UCK1: variants seen among roughly 807,000 people sequenced by gnomAD.
UCK1 encodes uridine-cytidine kinase 1.
In UCK1, 20 loss-of-function variants were observed where a neutral mutation model predicts 34.0. The observed-to-expected ratio is 0.59, with a 90% CI of 0.41 to 0.86. The LOEUF (loss-of-function observed/expected upper bound fraction) is 0.86. Ranked by LOEUF, UCK1 falls within the 40% of genes least tolerant of loss-of-function variation. The pLI, the probability that UCK1 is intolerant of heterozygous loss-of-function variation, is 0.00. For missense variants in UCK1, 343 were observed against 383.6 expected, an observed-to-expected ratio of 0.89 and a Z score of 0.88; for synonymous variants, 168 against 155.9, an observed-to-expected ratio of 1.08 and a Z score of -0.58.
intron 5 of UCK1, among the ~76,000 whole-genome samples, chr9:131,526,692 C>G (rs117357715): frequency 2.6e-5 from 4 of 152,088 alleles, no homozygotes; most frequent in Non-Finnish European, 5.9e-5. Context: ...GAACTTGGAA[C>G]GGTGCGTGCT....
rs758504047 is a variant in UCK1 at position 131,525,223 on chromosome 9, T to G, written c.653-2A>C. On this transcript the variant is annotated splice_acceptor_variant, in intron 6 of 6. Transcript: ENST00000372215. LOFTEE classifies it high-confidence loss of function. ...GCTGCACGATCAGGTTGATGGCAAC[T>G]GCGCCAAGAGACAGACAAGCAGCGG... is the stretch of plus-strand genomic sequence containing the variant. The G allele has an allele frequency of 1.9e-6, 3 of 1,613,642 alleles. No homozygotes were observed. The highest frequency in any genetic ancestry group is 2.5e-6 in the Non-Finnish European group (3 of 1,180,012).
intron 1 of UCK1, 39 bp from the exon 2 acceptor site, chr9:131,530,684 C>A (rs7867616): frequency 8.1e-6 from 13 of 1,613,954 alleles, no homozygotes; most frequent in Middle Eastern, 1.6e-4. Context: ...TGGAACCGCT[C>A]GTCCTGTGAC....
At chr9:131,528,255 G>GT (rs1950685791) in intron 5 of UCK1, among the ~76,000 whole-genome samples, 1 of 151,952 alleles carries the variant, frequency 6.6e-6, no homozygotes. Context: ...CCTTTGTGCT[G>GT]TATTTTTACC....
intron 5 of UCK1, chr9:131,526,351 G>T: frequency 8.6e-7 from 1 of 1,158,574 alleles, no homozygotes; most frequent in African/African-American, 1.6e-5. Flanking sequence ...TGTTCCTCTG[G>T]AATCATGAAG....
At chr9:131,530,701 G>A (rs749649431) in intron 1 of UCK1, 56 bp from the exon 2 acceptor site, 3 of 1,613,878 alleles carry the variant, frequency 1.9e-6, no homozygotes, top group African/African-American at 2.7e-5. Flanking sequence ...TGACAGGCAC[G>A]GGGCCGGCTT....
At chr9:131,526,480 T>C in intron 5 of UCK1, 1 of 1,289,780 alleles carries the variant, frequency 7.8e-7, no homozygotes, top group Non-Finnish European at 1.0e-6. Context: ...CAATGCTGAC[T>C]CTCATTCCCT....
Position 131,529,083 on chromosome 9 carries a change from C to T in UCK1, c.508+45G>A, listed in dbSNP as rs765767061. On this transcript the variant is annotated intron_variant, in intron 4 of 6. Transcript: ENST00000372215. ...GCGTGCTTCAGACCTCAGGACCTGC[C>T]GCCAGCCTCGGCCAGGCAGGCACGG... 49 of 1,613,306 alleles carry T rather than the reference C, an allele frequency of 3.0e-5. No homozygotes were observed. The Middle Eastern group carries it at 1.8e-3, about 60-fold the overall frequency.
chr9:131,528,876 C>T, intron 5 of UCK1, 68 bp downstream of exon 5: 2 of 1,578,498 alleles, frequency 1.3e-6, no homozygotes, highest in Non-Finnish European at 8.6e-7. Context: ...TAAGCCCTCT[C>T]ACAGTACTGG....
chr9:131,529,070 C>T (rs767367585), intron 4 of UCK1, 32 bp from the exon 5 acceptor site: 2 of 1,613,550 alleles, frequency 1.2e-6, no homozygotes, highest in Non-Finnish European at 1.7e-6. Flanking sequence ...GTGCTTCAGA[C>T]CTCAGGACCT....
At position 131,531,243 on chromosome 9, in the gene UCK1, G is replaced by GGCC. The variant is rs1950836305; in HGVS notation, c.-70_-69insGGC. The GGCC allele has an allele frequency of 5.4e-6, 7 of 1,289,072 alleles. No homozygotes were observed. The African/African-American group carries it at 1.2e-4, about 22-fold the overall frequency. The allele number at this position is 1,289,072 out of a possible 1,614,324, so 79.9% of individuals were successfully genotyped here. A position where few individuals can be genotyped will look rare whatever the true frequency, so the allele number is the denominator to read the frequency against. ...TCCCCAGGCCCGGCGCGCCCGCCCA[G>GGCC]CGCCGAGGTCGGAGGCAACCGGAGC... On this transcript the variant is annotated 5_prime_UTR_variant, in exon 1 of 7. Transcript: ENST00000372215.
chr9:131,531,123 G>C lies in UCK1; in HGVS notation c.52C>G (p.Arg18Gly), dbSNP rs1349786723. The C allele has an allele frequency of 6.2e-6, 9 of 1,451,786 alleles. No homozygotes were observed. The highest frequency in any genetic ancestry group is 3.0e-5 in the African/African-American group (2 of 67,154). The allele number at this position is 1,451,786 out of a possible 1,614,324, so 89.9% of individuals were successfully genotyped here. Residue 18 changes from arginine (R) to glycine (G), a missense_variant, in exon 1 of 7, where the codon CGT (arginine) becomes GGT (glycine). Transcript: ENST00000372215. Reference sequence around the variant, plus strand: ...ATCAGGAAGGGCCGCTGGTGCGGACGGTCGGCCTCCGGCGCGGGGCTCTCG... The same window carrying C: ...ATCAGGAAGGGCCGCTGGTGCGGACCGTCGGCCTCCGGCGCGGGGCTCTCG... ...DCESPAPEADRPHQRPFLIGV... is the reference protein window; with the variant it reads ...DCESPAPEADGPHQRPFLIGV...
intron 5 of UCK1, chr9:131,526,519 A>C: frequency 7.8e-7 from 1 of 1,289,428 alleles, no homozygotes; most frequent in Non-Finnish European, 1.0e-6. Flanking sequence ...GAGGAAGGAC[A>C]AGGATGGAGA....
In UCK1 at chr9:131,531,158, C is replaced by T. The variant is rs1476456431; in HGVS notation, c.17G>A (p.Gly6Asp). The change falls in exon 1 of 7, where the codon GGC becomes GAC. Residue 6 changes from glycine (G) to aspartate (D), a missense_variant. Gly to Asp is a moderately conservative substitution (Grantham distance 94, BLOSUM62 -1). Transcript: ENST00000372215. MASAG[G>D]EDCESPAPEA... ...CGGCGCGGGGCTCTCGCAGTCTTCG[C>T]CTCCCGCCGAAGCCATCTCGGCCTC... 10 of 1,430,514 alleles carry T rather than the reference C, an allele frequency of 7.0e-6. No individual in the cohort carries two copies. The highest frequency in any genetic ancestry group is 3.0e-5 in the African/African-American group (2 of 67,150). The allele number at this position is 1,430,514 out of a possible 1,614,324, so 88.6% of individuals were successfully genotyped here.
intron 6 of UCK1, 140 bp downstream of exon 6, chr9:131,525,789 A>G (rs1041164100): frequency 1.1e-6 from 1 of 904,414 alleles, no homozygotes; most frequent in East Asian, 2.6e-5. Flanking sequence ...ATTTTTAAGC[A>G]TATTTTAACC....
At chr9:131,525,641 A>G (rs1312158245) in intron 6 of UCK1, among the ~76,000 whole-genome samples, 1 of 152,022 alleles carries the variant, frequency 6.6e-6, no homozygotes, top group African/African-American at 2.4e-5. Context: ...ACCATGCCCA[A>G]ATAATTTTAT....
Position 131,524,873 on chromosome 9 carries a change from G to T in UCK1, c.*167C>A. ...GCCTGTCAGTGTCCCAGCAAGTTGA[G>T]TCTGAGTGACACATCTGAGTTTCCA... On this transcript the variant is annotated 3_prime_UTR_variant, in exon 7 of 7. Transcript: ENST00000372215. 1.3e-6 allele frequency: 1 copy of T among 774,848 alleles called. No homozygotes were observed. Among genetic ancestry groups the T allele is most frequent in the Non-Finnish European group, 2.0e-6 (1 of 506,788 alleles). The allele number at this position is 774,848 out of a possible 1,614,324, so 48.0% of individuals were successfully genotyped here.
intron 5 of UCK1, chr9:131,526,418 C>G: frequency 7.7e-7 from 1 of 1,293,238 alleles, no homozygotes; most frequent in Non-Finnish European, 1.0e-6. Flanking sequence ...ATAATTACTG[C>G]AGGCAGAGAC....
chr9:131,527,303 G>A (rs879418611), intron 5 of UCK1, among the ~76,000 whole-genome samples: 1 of 152,070 alleles, frequency 6.6e-6, no homozygotes, highest in Non-Finnish European at 1.5e-5. Context: ...ACTTGGGCCT[G>A]GGTGGCAGAG....
chr9:131,525,981 T>C lies in UCK1; in HGVS notation c.604-4A>G. The C allele has an allele frequency of 6.2e-7, 1 of 1,614,044 alleles. No individual in the cohort carries two copies. The highest frequency in any genetic ancestry group is 1.1e-5 in the South Asian group (1 of 91,080). On this transcript the variant is annotated splice_region_variant and splice_polypyrimidine_tract_variant and intron_variant, in intron 5 of 6. Transcript: ENST00000372215. The stretch of plus-strand genomic sequence containing the variant: ...TCACATCGGCATACTTCTTTGTCTG[T>C]AAGGCACAAGGGGGGGTGTTCCTGT...
Sources: gnomAD v4.1 joint callset for allele counts (sites outside exome capture counted in the v4.1 genomes callset) on GRCh38, gnomAD v4.1.1 for gene constraint, MANE v1.5 for transcripts, NCBI Gene and HGNC (gene_info 2026-07-23, HGNC 2026-07-21) for gene names.